RBFOX1: variants seen among roughly 807,000 people sequenced by gnomAD.
RBFOX1 encodes RNA binding fox-1 homolog 1, also known as RNA binding protein fox-1 homolog 1.
RBFOX1 carries 8 observed loss-of-function variants against 57.7 expected under a neutral mutation model. The ratio of observed to expected loss-of-function variants is 0.14; its 90% CI spans 0.08 to 0.25. The LOEUF (loss-of-function observed/expected upper bound fraction) is 0.25. Among genes scored for constraint, RBFOX1 ranks in the 10% least tolerant of loss-of-function variants. The probability of loss-of-function intolerance (pLI) is 1.00; values close to 1 mark genes in which losing one functional copy is unlikely to be tolerated. For missense variants in RBFOX1, 611 were observed against 548.5 expected, an observed-to-expected ratio of 1.11 and a Z score of -1.14; for synonymous variants, 326 against 222.4, an observed-to-expected ratio of 1.47 and a Z score of -4.15.
intron 4 of RBFOX1, among the ~76,000 whole-genome samples, chr16:7,213,176 G>A (rs1173701741): frequency 2.0e-5 from 3 of 152,134 alleles, no homozygotes; most frequent in African/African-American, 7.2e-5. Flanking sequence ...ACACTGTCAG[G>A]ATCAGGAGAA....
chr16:6,949,903 T>A (rs2080342373), intron 3 of RBFOX1, among the ~76,000 whole-genome samples: 1 of 151,714 alleles, frequency 6.6e-6, no homozygotes, highest in Non-Finnish European at 1.5e-5. Flanking sequence ...ACTGTCTTCA[T>A]CCTCAGCGTA....
At chr16:6,200,777 C>G (rs2097209769) in intron 1 of RBFOX1, among the ~76,000 whole-genome samples, 1 of 152,060 alleles carries the variant, frequency 6.6e-6, no homozygotes, top group Admixed American at 6.6e-5. Flanking sequence ...TTACCTGAAA[C>G]CAGATGGTAA....
rs565314804 is a variant in RBFOX1, at chr16:7,639,620, T to G, written c.757+8937T>G. Among the ~76,000 whole-genome samples the G allele has an allele frequency of 2.0e-5, 3 of 152,292 alleles. No homozygotes were observed. In the South Asian group the frequency reaches 6.2e-4, roughly 32 times the overall value. The stretch of plus-strand genomic sequence containing the variant: ...GACAAATATATATAATGCTAAGGTT[T>G]CAGAATTTCAAACGCAGTGCTCCTA... On this transcript the variant is annotated intron_variant, in intron 11 of 15. Coordinates refer to ENST00000550418, the MANE Select transcript of RBFOX1 (RefSeq NM_018723.4).
chr16:7,294,970 A>G (rs956063650), intron 4 of RBFOX1, among the ~76,000 whole-genome samples: 1 of 152,220 alleles, frequency 6.6e-6, no homozygotes, highest in African/African-American at 2.4e-5. Flanking sequence ...GTAAATTGGA[A>G]CTATAAAAAT....
At chr16:6,032,199 G>T (rs936172414) in intron 1 of RBFOX1, among the ~76,000 whole-genome samples, 2 of 151,876 alleles carry the variant, frequency 1.3e-5, no homozygotes, top group African/African-American at 4.8e-5. Flanking sequence ...TGCTGGTCTT[G>T]GAACAAGAAA....
At chr16:7,171,740 A>G (rs1399510918) in intron 4 of RBFOX1, among the ~76,000 whole-genome samples, 2 of 152,236 alleles carry the variant, frequency 1.3e-5, no homozygotes, top group African/African-American at 4.8e-5. Context: ...CAGAACTGTA[A>G]TAACTCATTA....
chr16:7,015,520 C>A (rs1476316248), intron 3 of RBFOX1, among the ~76,000 whole-genome samples: 1 of 152,038 alleles, frequency 6.6e-6, no homozygotes, highest in African/African-American at 2.4e-5. Flanking sequence ...TTTCCCTTCC[C>A]AAATCAAGCA....
At chr16:7,422,982 C>T (rs934203620) in intron 4 of RBFOX1, 2 of 152,326 alleles carry the variant, frequency 1.3e-5, no homozygotes, top group African/African-American at 4.8e-5. Flanking sequence ...GTCCTTTACA[C>T]TGACACCTGG....
In RBFOX1 at chr16:5,298,010, T is replaced by C. The variant is rs1252767352; in HGVS notation, c.219+57905T>C. Among the ~76,000 whole-genome samples the C allele has an allele frequency of 2.7e-5, 4 of 149,108 alleles. No individual in the cohort carries two copies. The South Asian group carries it at 8.3e-4, about 31-fold the overall frequency. On this transcript the variant is annotated intron_variant, in intron 1 of 2. Transcript: ENST00000585867. ...AGTGTCCAGCTAGAATTGAACACAA[T>C]GTTATTTTCCCATTGAATTAACTTT...
At chr16:6,725,714 A>G (rs539656367) in intron 3 of RBFOX1, among the ~76,000 whole-genome samples, 101 of 152,292 alleles carry the variant, frequency 6.6e-4, no homozygotes, top group African/African-American at 2.3e-3. Context: ...CTAAAACTCT[A>G]TATTCAGGGT....
intron 4 of RBFOX1, among the ~76,000 whole-genome samples, chr16:6,009,321 T>C (rs1283991740): frequency 6.6e-6 from 1 of 152,210 alleles, no homozygotes; most frequent in Non-Finnish European, 1.5e-5. Context: ...CTCTCACACC[T>C]GTGAGTCAAG....
At chr16:6,146,636 G>C (rs1052044003) in intron 1 of RBFOX1, among the ~76,000 whole-genome samples, 1 of 152,154 alleles carries the variant, frequency 6.6e-6, no homozygotes, top group Non-Finnish European at 1.5e-5. Flanking sequence ...TCCTTAGGAC[G>C]ATGCTGGGCA....
At chr16:5,858,167 A>G (rs1231533651) in intron 3 of RBFOX1, among the ~76,000 whole-genome samples, 1 of 152,088 alleles carries the variant, frequency 6.6e-6, no homozygotes, top group Admixed American at 6.5e-5. Context: ...TAGCCGCAGA[A>G]AGTAACCAGG....
rs1214209549 is a variant in RBFOX1, at chr16:6,256,116, A to G, written c.-126-60879A>G. Among the ~76,000 whole-genome samples the G allele has an allele frequency of 2.3e-5, 3 of 133,328 alleles. No homozygotes were observed. In the East Asian group the frequency reaches 6.2e-4, roughly 28 times the overall value. 87.5% of individuals were successfully genotyped at this position (133,328 alleles called of 152,430 possible). On this transcript the variant is annotated intron_variant, in intron 1 of 15. Transcript: ENST00000550418. The stretch of plus-strand genomic sequence containing the variant: ...GATCATTTCCACATAGCAGTCTCTT[A>G]TCTGTAACAAATATATATATATGTG...
intron 1 of RBFOX1, among the ~76,000 whole-genome samples, chr16:5,282,023 C>G (rs2063283915): frequency 6.6e-6 from 1 of 152,172 alleles, no homozygotes; most frequent in South Asian, 2.1e-4. Context: ...CAGATGTCAT[C>G]TTGAATTCCC....
chr16:6,207,668 G>GTGA (rs2097263946), intron 1 of RBFOX1, among the ~76,000 whole-genome samples: 1 of 152,046 alleles, frequency 6.6e-6, no homozygotes, highest in Non-Finnish European at 1.5e-5. Flanking sequence ...TTGTAGAAAG[G>GTGA]TGACAGTAGA....
intron 2 of RBFOX1, among the ~76,000 whole-genome samples, chr16:6,441,528 T>G (rs2094382323): frequency 6.6e-6 from 1 of 152,172 alleles, no homozygotes; most frequent in Admixed American, 6.5e-5. Flanking sequence ...GCAATTCTCC[T>G]GCCTCAGCCT....
chr16:5,965,538 A>G (rs1455821950), intron 4 of RBFOX1, among the ~76,000 whole-genome samples: 3 of 152,192 alleles, frequency 2.0e-5, no homozygotes, highest in East Asian at 1.9e-4. Context: ...TTCACCTACA[A>G]AAGAACCAGG....
intron 2 of RBFOX1, among the ~76,000 whole-genome samples, chr16:6,587,961 G>A (rs1278111648): frequency 6.6e-6 from 1 of 152,146 alleles, no homozygotes; most frequent in Non-Finnish European, 1.5e-5. Flanking sequence ...CTGGCACAGT[G>A]GCTCACGCCT....
Sources: allele counts gnomAD v4.1 joint callset (sites outside exome capture counted in the v4.1 genomes callset), GRCh38; gene constraint gnomAD v4.1.1; transcripts MANE v1.5; gene names NCBI Gene and HGNC (gene_info 2026-07-23, HGNC 2026-07-21).